Variants in RPL5 observed in about 807,000 individuals in gnomAD.
The protein encoded by RPL5 is ribosomal protein L5.
A neutral mutation model predicts 38.4 loss-of-function variants in RPL5; 1 was observed. The ratio of observed to expected loss-of-function variants is 0.03; its 90% CI spans 0.01 to 0.12. The LOEUF (loss-of-function observed/expected upper bound fraction) is 0.12, where lower values mean the gene tolerates loss of function less well. Ranked by LOEUF, RPL5 falls within the 10% of genes least tolerant of loss-of-function variation. The probability of loss-of-function intolerance (pLI) is 1.00; values close to 1 mark genes in which losing one functional copy is unlikely to be tolerated. For synonymous variants in RPL5, 109 were observed against 121.2 expected, an observed-to-expected ratio of 0.90 and a Z score of 0.66; for missense variants, 243 against 374.1, an observed-to-expected ratio of 0.65 and a Z score of 2.89.
rs1219386290 is a variant in RPL5 at position 92,832,049 on chromosome 1, A to C, written c.-66A>C. 12 of 1,608,704 alleles carry C rather than the reference A, an allele frequency of 7.5e-6. No homozygotes were observed. The highest frequency in any genetic ancestry group is 4.5e-5 in the East Asian group (2 of 44,676). The stretch of plus-strand genomic sequence containing the variant: ...GCGCAAGGGCTGTGGCCCTTTTCCC[A>C]CCCCCTAGCGCCGCTGGGCCTGCAG... On this transcript the variant is annotated 5_prime_UTR_variant, in exon 1 of 8. Coordinates refer to ENST00000370321, the MANE Select transcript of RPL5 (RefSeq NM_000969.5).
intron 1 of RPL5, 125 bp downstream of exon 1, chr1:92,832,242 C>T (rs375759804): frequency 2.7e-6 from 4 of 1,477,642 alleles, no homozygotes; most frequent in Non-Finnish European, 3.7e-6. Context: ...CTAGCTCTGA[C>T]TTGGTCGAGG....
intron 1 of RPL5, 67 bp from the exon 2 acceptor site, chr1:92,833,322 T>C: frequency 1.6e-6 from 2 of 1,286,172 alleles, no homozygotes; most frequent in Non-Finnish European, 2.3e-6. Context: ...TGTTACATGG[T>C]TAATTTATGT....
At chr1:92,839,711 A>G (rs886286835) in intron 6 of RPL5, among the ~76,000 whole-genome samples, 2 of 152,248 alleles carry the variant, frequency 1.3e-5, no homozygotes, top group Admixed American at 1.3e-4. Context: ...CTTGAATGAA[A>G]GAATCTAGGT....
intron 3 of RPL5, chr1:92,833,942 C>T (rs1326688796): frequency 9.9e-6 from 4 of 404,894 alleles, no homozygotes; most frequent in Non-Finnish European, 1.8e-5. Context: ...TTTGTCTTCA[C>T]AAAAAATGTA....
chr1:92,839,252 G>A (rs781710868), intron 6 of RPL5, among the ~76,000 whole-genome samples: 2 of 152,084 alleles, frequency 1.3e-5, no homozygotes, highest in African/African-American at 2.4e-5. Flanking sequence ...CCAGCGACTC[G>A]GGAGGCTGAG....
chr1:92,835,282 C>T (rs1557440194), intron 4 of RPL5: 3 of 344,734 alleles, frequency 8.7e-6, no homozygotes, highest in East Asian at 1.4e-4. Context: ...AATGCAGACT[C>T]GTGGGAACTC....
rs1571026930 is a variant in RPL5 at position 92,834,880 on chromosome 1, A to G, written c.291A>G (p.Ala97=). The G allele has an allele frequency of 3.1e-6, 5 of 1,603,804 alleles. No individual in the cohort carries two copies. Among genetic ancestry groups the G allele is most frequent in the East Asian group, 2.2e-5 (1 of 44,896 alleles). Reference sequence around the variant, plus strand: ...AGGTTGGCCTGACAAATTATGCTGCAGCATATTGTACTGGCCTGCTGCTGG... The same window carrying G: ...AGGTTGGCCTGACAAATTATGCTGCGGCATATTGTACTGGCCTGCTGCTGG... ...GVKVGLTNYA[A]AYCTGLLLAR... is the part of the protein sequence containing the mutation. The change falls in exon 4 of 8, where the codon GCA becomes GCG. Residue 97 remains alanine (A), a synonymous_variant. Coordinates refer to ENST00000370321, the MANE Select transcript of RPL5 (RefSeq NM_000969.5).
chr1:92,836,499 C>T, intron 5 of RPL5, 107 bp downstream of exon 5: 3 of 974,270 alleles, frequency 3.1e-6, no homozygotes, highest in African/African-American at 1.6e-5. Flanking sequence ...AATTGAATGC[C>T]TGCTGTATGC....
chr1:92,837,553 C>G lies in RPL5; in HGVS notation c.625C>G (p.Arg209Gly). 6.2e-7 allele frequency: 1 copy of G among 1,611,818 alleles called. No homozygotes were observed. The part of the protein sequence containing the change: ...IMGQNVADYM[R>G]YLMEEDEDAY... ...GGGCCAGAATGTTGCAGATTACATG[C>G]GCTACTTAATGGAAGAAGATGAAGA... The change falls in exon 6 of 8, where the codon CGC becomes GGC. Residue 209 changes from arginine (R) to glycine (G), a missense_variant. By Grantham distance (125) the Arg-to-Gly change is moderately radical. Coordinates refer to ENST00000370321, the MANE Select transcript of RPL5 (RefSeq NM_000969.5).
At position 92,840,566 on chromosome 1, in the gene RPL5, A is replaced by G; in HGVS notation, c.721A>G (p.Lys241Glu). 1.2e-6 allele frequency: 2 copies of G among 1,613,048 alleles called. No homozygotes were observed. The highest frequency in any genetic ancestry group is 1.7e-6 in the Non-Finnish European group (2 of 1,179,714). The stretch of plus-strand genomic sequence containing the variant: ...TTTGTTTCAGATGGAGGAGATGTAT[A>G]AGAAAGCTCATGCTGCTATACGAGA... ...VTPDMMEEMY[K>E]KAHAAIRENP... Residue 241 changes from lysine to glutamate, a missense_variant, in exon 7 of 8, where the codon AAG (lysine) becomes GAG (glutamate). Lys to Glu is a moderately conservative substitution (Grantham distance 56, BLOSUM62 1). Coordinates refer to ENST00000370321, the MANE Select transcript of RPL5 (RefSeq NM_000969.5).
At position 92,834,047 on chromosome 1, in the gene RPL5, A is replaced by T. The variant is rs559377519; in HGVS notation, c.189+387A>T. The T allele has an allele frequency of 6.8e-6, 2 of 293,264 alleles. No homozygotes were observed. Among genetic ancestry groups the T allele is most frequent in the African/African-American group, 4.4e-5 (2 of 45,528 alleles). The allele number at this position is 293,264 out of a possible 1,614,324, so 18.2% of individuals were successfully genotyped here. On this transcript the variant is annotated intron_variant, in intron 3 of 7. Coordinates refer to ENST00000370321, the MANE Select transcript of RPL5 (RefSeq NM_000969.5). ...CCGAGGTTGAGGCTGCAGTGAAGTGAGATCACACCCAGCCCTCCAACCTAG... is the reference window on the plus strand; with the variant it reads ...CCGAGGTTGAGGCTGCAGTGAAGTGTGATCACACCCAGCCCTCCAACCTAG...
At position 92,832,884 on chromosome 1, in the gene RPL5, C is replaced by T. The variant is rs147067446; in HGVS notation, c.4-505C>T. 807 of 640,824 alleles carry T rather than the reference C, an allele frequency of 1.3e-3. 8 individuals are homozygous for T. The highest frequency in any genetic ancestry group is 0.012 in the African/African-American group (671 of 54,802). The allele number at this position is 640,824 out of a possible 1,614,324, so 39.7% of individuals were successfully genotyped here. A position where few individuals can be genotyped will look rare whatever the true frequency, so the allele number is the denominator to read the frequency against. ...TAATTTAGGCTTTTGAAAAACATAA[C>T]ATGGGAAGCGAGAGAGGTACGTAGT... is the stretch of plus-strand genomic sequence containing the variant. On this transcript the variant is annotated intron_variant, in intron 1 of 7. Transcript: ENST00000370321.
In RPL5 at chr1:92,833,530, A is replaced by T. The variant is rs1686998440; in HGVS notation, c.74-15A>T. ...GCAGTGGAGTATCCTTTCTACAATTATTTTTTTCTTTCAGAGGGTAAAACT... is the reference window on the plus strand; with the variant it reads ...GCAGTGGAGTATCCTTTCTACAATTTTTTTTTTCTTTCAGAGGGTAAAACT... On this transcript the variant is annotated splice_polypyrimidine_tract_variant and intron_variant, in intron 2 of 7. Transcript: ENST00000370321. 1 of 1,612,486 alleles carries T rather than the reference A, an allele frequency of 6.2e-7. No individual in the cohort carries two copies.
chr1:92,834,704 C>T (rs765100925), intron 3 of RPL5, 75 bp from the exon 4 acceptor site: 29 of 1,581,764 alleles, frequency 1.8e-5, no homozygotes, highest in African/African-American at 5.4e-5. Context: ...TTTTTTTATT[C>T]CCTTGAAAAA....
rs184728588 is a variant in RPL5 at position 92,841,688 on chromosome 1, A to G, written c.795-78A>G. 947 of 911,456 alleles carry G rather than the reference A, an allele frequency of 1.0e-3. 8 individuals carry two copies. In the African/African-American group the frequency reaches 0.015, roughly 14 times the overall value. The allele number at this position is 911,456 out of a possible 1,614,324, so 56.5% of individuals were successfully genotyped here. ...CTTAAATATTCTCTATCAAAATTAAATTTTATTAAAATTTTAAATTAAATA... is the reference window on the plus strand; with the variant it reads ...CTTAAATATTCTCTATCAAAATTAAGTTTTATTAAAATTTTAAATTAAATA... On this transcript the variant is annotated intron_variant, in intron 7 of 7. Coordinates refer to ENST00000370321, the MANE Select transcript of RPL5 (RefSeq NM_000969.5).
chr1:92,836,222 T>C lies in RPL5; in HGVS notation c.357T>C (p.Tyr119=), dbSNP rs1335950039. The change falls in exon 5 of 8, where the codon TAT becomes TAC. Residue 119 remains tyrosine, a synonymous_variant. Transcript: ENST00000370321. The part of the protein sequence containing the change: ...LLNRFGMDKI[Y]EGQVEVTGDE... ...ATAGGTTTGGCATGGACAAGATCTA[T>C]GAAGGCCAAGTGGAGGTGACTGGTG... is the stretch of plus-strand genomic sequence containing the variant. 1 of 1,613,040 alleles carries C rather than the reference T, an allele frequency of 6.2e-7. No individual in the cohort carries two copies. Among genetic ancestry groups the C allele is most frequent in the East Asian group, 2.2e-5 (1 of 44,886 alleles).
At chr1:92,833,115 GTAA>G in intron 1 of RPL5, 2 of 690,038 alleles carry the variant, frequency 2.9e-6, no homozygotes, top group South Asian at 3.1e-5. Flanking sequence ...CCTGTTAAAT[GTAA>G]TAAATTGGGG....
intron 5 of RPL5, chr1:92,837,121 C>A: frequency 2.5e-6 from 1 of 398,750 alleles, no homozygotes; most frequent in Non-Finnish European, 4.8e-6. Context: ...ATCACTTATT[C>A]CCATGTACCC....
chr1:92,834,176 T>C (rs1291717533), intron 3 of RPL5, among the ~76,000 whole-genome samples: 1 of 152,150 alleles, frequency 6.6e-6, no homozygotes, highest in Non-Finnish European at 1.5e-5. Flanking sequence ...AAGAATAGGG[T>C]TTGTCCTGAT....
Sources: gnomAD v4.1 joint callset for allele counts (sites outside exome capture counted in the v4.1 genomes callset) on GRCh38, gnomAD v4.1.1 for gene constraint, MANE v1.5 for transcripts, NCBI Gene and HGNC (gene_info 2026-07-23, HGNC 2026-07-21) for gene names.